The following DCC variants were observed in gnomAD, a reference collection of about 807,000 sequenced individuals.
DCC encodes the protein DCC netrin 1 receptor.
In DCC, 58 loss-of-function variants were observed where a neutral mutation model predicts 172.5. That is an observed-to-expected ratio of 0.34 (90% confidence interval 0.27 to 0.42). The LOEUF (loss-of-function observed/expected upper bound fraction) is 0.42. Among genes scored for constraint, DCC ranks in the 10% least tolerant of loss-of-function variants. The probability of loss-of-function intolerance (pLI) is 1.00; values close to 1 mark genes in which losing one functional copy is unlikely to be tolerated. For missense variants in DCC, 1,740 were observed against 1,791.0 expected (o/e 0.97, Z 0.51); for synonymous variants, 709 against 644.5 (o/e 1.10, Z -1.52).
intron 8 of DCC, among the ~76,000 whole-genome samples, chr18:53,171,042 G>C (rs2055006374): frequency 6.6e-6 from 1 of 152,010 alleles, no homozygotes; most frequent in African/African-American, 2.4e-5. Flanking sequence ...ATGCCACCAT[G>C]CCCGGCTAAT....
chr18:52,678,081 T>A (rs923651901), intron 1 of DCC, among the ~76,000 whole-genome samples: 2 of 152,280 alleles, frequency 1.3e-5, no homozygotes, highest in East Asian at 3.9e-4. Context: ...AGACACCATG[T>A]CAAGCCTTGA....
At chr18:53,401,501 A>G (rs1909290889) in intron 18 of DCC, among the ~76,000 whole-genome samples, 1 of 152,170 alleles carries the variant, frequency 6.6e-6, no homozygotes, top group Non-Finnish European at 1.5e-5. Context: ...CATATTTGGA[A>G]CACTATTCAG....
At chr18:52,580,605 A>C (rs1461538555) in intron 1 of DCC, among the ~76,000 whole-genome samples, 1 of 152,194 alleles carries the variant, frequency 6.6e-6, no homozygotes, top group East Asian at 1.9e-4. Context: ...TTATCTGGTC[A>C]CTTGGAAATG....
chr18:52,421,230 A>G (rs1035695171), intron 1 of DCC, among the ~76,000 whole-genome samples: 6 of 152,178 alleles, frequency 3.9e-5, no homozygotes, highest in African/African-American at 1.4e-4. Context: ...AAGAAGAGAA[A>G]GTGCACATGC....
At chr18:53,230,801 T>C (rs1282186720) in intron 12 of DCC, among the ~76,000 whole-genome samples, 1 of 151,926 alleles carries the variant, frequency 6.6e-6, no homozygotes, top group Non-Finnish European at 1.5e-5. Flanking sequence ...AGATGAAAAC[T>C]GTGTTTCAAT....
intron 7 of DCC, among the ~76,000 whole-genome samples, chr18:53,124,293 T>C (rs2043523796): frequency 6.6e-6 from 1 of 152,138 alleles, no homozygotes; most frequent in Non-Finnish European, 1.5e-5. Flanking sequence ...AACAAAACCA[T>C]AATTTGTAAA....
intron 17 of DCC, among the ~76,000 whole-genome samples, chr18:53,394,241 A>G (rs534379198): frequency 2.3e-4 from 35 of 152,288 alleles, no homozygotes; most frequent in African/African-American, 8.2e-4. Flanking sequence ...TATATGATGG[A>G]AATATCCATA....
chr18:52,753,693 G>A (rs1361930430), intron 2 of DCC, among the ~76,000 whole-genome samples: 1 of 152,068 alleles, frequency 6.6e-6, no homozygotes, highest in Non-Finnish European at 1.5e-5. Flanking sequence ...AACAGTTTTT[G>A]TTTTCACCTG....
intron 22 of DCC, among the ~76,000 whole-genome samples, chr18:53,448,725 T>C (rs144433471): frequency 1.3e-3 from 202 of 152,242 alleles, no homozygotes; most frequent in Admixed American, 2.9e-3. Flanking sequence ...TGGTGGCACA[T>C]GCCTGTAATC....
intron 22 of DCC, among the ~76,000 whole-genome samples, chr18:53,448,972 C>T (rs1393334): frequency 0.83 from 126,411 of 152,198 alleles, 52,871 homozygotes; most frequent in Non-Finnish European, 0.88. Context: ...TTATAAGCAC[C>T]TCCTCTGTAT....
chr18:53,417,152 A>C (rs1233289924), intron 21 of DCC, among the ~76,000 whole-genome samples: 2 of 152,210 alleles, frequency 1.3e-5, no homozygotes, highest in Admixed American at 1.3e-4. Context: ...TTCTTTCAAC[A>C]GGAATACTTT....
chr18:52,789,762 C>T (rs1330060350), intron 2 of DCC, among the ~76,000 whole-genome samples: 2 of 152,084 alleles, frequency 1.3e-5, no homozygotes, highest in African/African-American at 4.8e-5. Context: ...TGTTTCCAGC[C>T]CCTAAGCTAT....
intron 1 of DCC, among the ~76,000 whole-genome samples, chr18:52,734,645 G>A (rs1273736066): frequency 6.6e-6 from 1 of 152,050 alleles, no homozygotes; most frequent in Non-Finnish European, 1.5e-5. Flanking sequence ...CCAAGCTTTA[G>A]ACCCAGTGGA....
intron 7 of DCC, among the ~76,000 whole-genome samples, chr18:53,073,921 C>T (rs2042689243): frequency 6.6e-6 from 1 of 151,128 alleles, no homozygotes; most frequent in African/African-American, 2.4e-5. Context: ...AATATAATTA[C>T]ATTATAATTA....
rs1277052118 is a variant in DCC at position 53,428,550 on chromosome 18, A to G, written c.3164-6594A>G. 7.5e-4 allele frequency among the ~76,000 whole-genome samples: 19 copies of G among 25,324 alleles called. 4 individuals are homozygous for G. The South Asian group carries it at 0.022, about 29-fold the overall frequency. The allele number at this position is 25,324 out of a possible 152,430, so 16.6% of individuals were successfully genotyped here. On this transcript the variant is annotated intron_variant, in intron 21 of 28. Transcript: ENST00000442544. Reference sequence around the variant, plus strand: ...ATTTATGTATTTTATATATATATAAATATATTTATATATATATTTATATAT... The same window carrying G: ...ATTTATGTATTTTATATATATATAAGTATATTTATATATATATTTATATAT...
intron 2 of DCC, among the ~76,000 whole-genome samples, chr18:52,866,173 C>A (rs548994964): frequency 6.6e-6 from 1 of 152,030 alleles, no homozygotes; most frequent in African/African-American, 2.4e-5. Context: ...TGCTTGTTTT[C>A]GTTAGGTTTC....
chr18:53,138,236 C>G (rs1182193152), intron 7 of DCC, among the ~76,000 whole-genome samples: 3 of 152,048 alleles, frequency 2.0e-5, no homozygotes, highest in African/African-American at 7.3e-5. Flanking sequence ...GTGCACCAGG[C>G]CATGAAGGAG....
chr18:52,802,363 T>G (rs368296335), intron 2 of DCC, among the ~76,000 whole-genome samples: 4 of 152,062 alleles, frequency 2.6e-5, no homozygotes, highest in Admixed American at 2.6e-4. Flanking sequence ...TGTTTTTGTA[T>G]ATATACATAT....
chr18:52,858,103 A>G (rs1224532306), intron 2 of DCC, among the ~76,000 whole-genome samples: 1 of 152,218 alleles, frequency 6.6e-6, no homozygotes, highest in Non-Finnish European at 1.5e-5. Flanking sequence ...AGATAGCGAG[A>G]ATCATGCATT....
Sources: allele counts gnomAD v4.1 joint callset (sites outside exome capture counted in the v4.1 genomes callset), GRCh38; gene constraint gnomAD v4.1.1; transcripts MANE v1.5; gene names NCBI Gene and HGNC (gene_info 2026-07-23, HGNC 2026-07-21).